The following XKR4 variants were observed in gnomAD, a reference collection of about 807,000 sequenced individuals.
The protein encoded by XKR4 is XK-related protein 4.
In XKR4, 12 loss-of-function variants were observed where a neutral mutation model predicts 53.9. That is an observed-to-expected ratio of 0.22 (90% confidence interval 0.14 to 0.36). XKR4 has a LOEUF of 0.36. Ranked by LOEUF, XKR4 falls within the 10% of genes least tolerant of loss-of-function variation. XKR4 has a pLI of 1.00. For missense variants in XKR4, 799 were observed against 859.5 expected, an observed-to-expected ratio of 0.93 and a Z score of 0.88; for synonymous variants, 354 against 362.4, an observed-to-expected ratio of 0.98 and a Z score of 0.26.
At chr8:55,522,322 TG>T (rs1033563043) in intron 2 of XKR4, among the ~76,000 whole-genome samples, 77 of 152,324 alleles carry the variant, frequency 5.1e-4, no homozygotes, top group African/African-American at 1.8e-3. Flanking sequence ...CTTTAATCTA[TG>T]AAGAGCTAAG....
chr8:55,500,790 TC>T (rs1806424564), intron 2 of XKR4, among the ~76,000 whole-genome samples: 1 of 152,166 alleles, frequency 6.6e-6, no homozygotes, highest in African/African-American at 2.4e-5. Flanking sequence ...AATGTTGCTA[TC>T]CCTATTCCAC....
intron 1 of XKR4, among the ~76,000 whole-genome samples, chr8:55,165,582 G>C (rs781263309): frequency 2.6e-5 from 4 of 152,152 alleles, no homozygotes; most frequent in Middle Eastern, 3.4e-3. Context: ...CATCAGCGAA[G>C]AGGGGTTTCA....
chr8:55,213,772 T>C (rs1817760689), intron 1 of XKR4, among the ~76,000 whole-genome samples: 1 of 152,076 alleles, frequency 6.6e-6, no homozygotes, highest in Non-Finnish European at 1.5e-5. Context: ...TTCACTATCG[T>C]AATTTTCTGT....
chr8:55,494,111 G>A (rs1023451120), intron 2 of XKR4, among the ~76,000 whole-genome samples: 1 of 152,258 alleles, frequency 6.6e-6, no homozygotes, highest in African/African-American at 2.4e-5. Context: ...AGCAGCGAGG[G>A]GTGTATGAGT....
At chr8:55,148,266 G>A (rs184030499) in intron 1 of XKR4, among the ~76,000 whole-genome samples, 100 of 152,172 alleles carry the variant, frequency 6.6e-4, no homozygotes, top group Middle Eastern at 3.4e-3. Flanking sequence ...TTAGCTGAGC[G>A]TGGTGGTGCA....
chr8:55,115,721 G>A (rs1816296522), intron 1 of XKR4, among the ~76,000 whole-genome samples: 1 of 152,034 alleles, frequency 6.6e-6, no homozygotes, highest in African/African-American at 2.4e-5. Context: ...GGTGGAGGTT[G>A]CAGTGAGCCG....
At chr8:55,492,647 T>A (rs1806287503) in intron 2 of XKR4, among the ~76,000 whole-genome samples, 1 of 152,232 alleles carries the variant, frequency 6.6e-6, no homozygotes. Flanking sequence ...ATAAACACAT[T>A]AATTCTTCTG....
At chr8:55,337,070 G>A (rs895055685) in intron 1 of XKR4, among the ~76,000 whole-genome samples, 6 of 151,974 alleles carry the variant, frequency 3.9e-5, no homozygotes, top group African/African-American at 7.3e-5. Context: ...TCTGTGTGCC[G>A]CAGTTACATC....
At chr8:55,266,329 C>T (rs1036695921) in intron 1 of XKR4, among the ~76,000 whole-genome samples, 7 of 152,006 alleles carry the variant, frequency 4.6e-5, no homozygotes, top group African/African-American at 1.7e-4. Flanking sequence ...TTGCCTCTGT[C>T]TTAGTGCATT....
At position 55,461,520 on chromosome 8, in the gene XKR4, G is replaced by C. The variant is rs147233915; in HGVS notation, c.1007-61761G>C. Among the ~76,000 whole-genome samples, 901 of 152,190 alleles carry C rather than the reference G, an allele frequency of 5.9e-3. 9 individuals carry two copies. Among genetic ancestry groups the C allele is most frequent in the African/African-American group, 0.02 (840 of 41,522 alleles). On this transcript the variant is annotated intron_variant, in intron 2 of 2. Transcript: ENST00000327381. Reference sequence around the variant, plus strand: ...AAAGGTAGATAAAACCACAAAGATGGGGGAAAAAACAGAGCAGAAAAACCA... The same window carrying C: ...AAAGGTAGATAAAACCACAAAGATGCGGGAAAAAACAGAGCAGAAAAACCA...
At chr8:55,352,789 A>G (rs1327538109) in intron 1 of XKR4, among the ~76,000 whole-genome samples, 1 of 152,214 alleles carries the variant, frequency 6.6e-6, no homozygotes, top group Non-Finnish European at 1.5e-5. Flanking sequence ...TTAAAGAACC[A>G]AAATAGAAAC....
intron 2 of XKR4, among the ~76,000 whole-genome samples, chr8:55,515,044 CAAG>C (rs1806689823): frequency 6.6e-6 from 1 of 152,172 alleles, no homozygotes; most frequent in African/African-American, 2.4e-5. Context: ...CCATATTTGT[CAAG>C]AAGGAGGAGA....
chr8:55,206,223 G>A (rs185848945), intron 1 of XKR4, among the ~76,000 whole-genome samples: 6 of 151,892 alleles, frequency 4.0e-5, no homozygotes, highest in African/African-American at 1.5e-4. Flanking sequence ...CACTGGGGCT[G>A]GGTGGCCAGC....
chr8:55,102,366 A>G lies in XKR4; in HGVS notation c.-123A>G. 5 of 1,196,926 alleles carry G rather than the reference A, an allele frequency of 4.2e-6. No homozygotes were observed. Among genetic ancestry groups the G allele is most frequent in the Non-Finnish European group, 5.3e-6 (5 of 950,414 alleles). 74.1% of individuals were successfully genotyped at this position (1,196,926 alleles called of 1,614,324 possible). On this transcript the variant is annotated 5_prime_UTR_variant, in exon 1 of 3. Transcript: ENST00000327381. The surrounding 1 kb of genome is among the most constrained non-coding windows in gnomAD (Gnocchi z 5.1). ...ACGGCAGGCGAGCCGACGCAGGAGC[A>G]GGAGGAGGGGGAGCCGCACCGCCTG...
At position 55,541,030 on chromosome 8, in the gene XKR4, T is replaced by C. The variant is rs535913953; in HGVS notation, c.*16803T>C. On this transcript the variant is annotated 3_prime_UTR_variant, in exon 3 of 3. Coordinates refer to ENST00000327381, the MANE Select transcript of XKR4 (RefSeq NM_052898.2). ...AAACCATTGCACAATATAAACCTGCTCCCAAATGGCAAGGATTTTTGCTAC... is the reference window on the plus strand; with the variant it reads ...AAACCATTGCACAATATAAACCTGCCCCCAAATGGCAAGGATTTTTGCTAC... 1.3e-5 allele frequency: 2 copies of C among 152,182 alleles called. No individual in the cohort carries two copies. The highest frequency in any genetic ancestry group is 2.9e-5 in the Non-Finnish European group (2 of 68,018). 9.4% of individuals were successfully genotyped at this position (152,182 alleles called of 1,614,324 possible).
At chr8:55,147,963 C>T (rs1304740171) in intron 1 of XKR4, among the ~76,000 whole-genome samples, 1 of 152,138 alleles carries the variant, frequency 6.6e-6, no homozygotes, top group African/African-American at 2.4e-5. Context: ...CTTGGACTCT[C>T]AGTGGGGACA....
Position 55,400,823 on chromosome 8 carries a change from G to A in XKR4, c.1006+42946G>A, listed in dbSNP as rs1376058409. On this transcript the variant is annotated intron_variant, in intron 2 of 2. Transcript: ENST00000327381. ...TCCCTCTTCCACGTTGTATTCATAA[G>A]ATTGCCTGCCTGTCTGCTGCCCTGT... Among the ~76,000 whole-genome samples, 3 of 152,286 alleles carry A rather than the reference G, an allele frequency of 2.0e-5. No homozygotes were observed. The South Asian group carries it at 6.2e-4, about 32-fold the overall frequency.
Position 55,357,807 on chromosome 8 carries a change from G to A in XKR4, c.936G>A (p.Leu312=). 1 of 1,614,124 alleles carries A rather than the reference G, an allele frequency of 6.2e-7. No homozygotes were observed. The part of the protein sequence containing the change: ...VSMLHLLATF[L]ESAPQLVLQL... Reference sequence around the variant, plus strand: ...TGCTGCATTTGCTAGCCACCTTTCTGGAAAGTGCTCCACAGCTGGTCCTGC... The same window carrying A: ...TGCTGCATTTGCTAGCCACCTTTCTAGAAAGTGCTCCACAGCTGGTCCTGC... The change falls in exon 2 of 3, where the codon CTG becomes CTA. Residue 312 remains leucine, a synonymous_variant. Coordinates refer to ENST00000327381, the MANE Select transcript of XKR4 (RefSeq NM_052898.2).
intron 1 of XKR4, among the ~76,000 whole-genome samples, chr8:55,332,535 T>C (rs1803397025): frequency 6.6e-6 from 1 of 152,068 alleles, no homozygotes; most frequent in Non-Finnish European, 1.5e-5. Flanking sequence ...GTGTCTTAAT[T>C]TCTCCCACAT....
Sources: gnomAD v4.1 joint callset for allele counts (sites outside exome capture counted in the v4.1 genomes callset) on GRCh38, gnomAD v4.1.1 for gene constraint, Gnocchi (gnomAD v3.1) non-coding constraint, MANE v1.5 for transcripts, NCBI Gene and HGNC (gene_info 2026-07-23, HGNC 2026-07-21) for gene names.